Variants in CDKL5 observed in about 807,000 individuals in gnomAD.
CDKL5 encodes the protein cyclin-dependent kinase-like 5.
A neutral mutation model predicts 61.7 loss-of-function variants in CDKL5; 8 were observed. The observed-to-expected ratio is 0.13, with a 90% CI of 0.08 to 0.23. The LOEUF is 0.23. CDKL5 is among the 10% of genes least tolerant of loss of function. The probability of loss-of-function intolerance (pLI) is 1.00; values close to 1 mark genes in which losing one functional copy is unlikely to be tolerated. For synonymous variants in CDKL5, 275 were observed against 272.3 expected (o/e 1.01, Z -0.10); for missense variants, 440 against 734.5 (o/e 0.60, Z 4.63).
In CDKL5 at chrX:18,653,434, T is replaced by A. The variant is rs1928132748; in HGVS notation, c.2983T>A (p.Phe995Ile). 1 of 1,208,995 alleles carries A rather than the reference T, an allele frequency of 8.3e-7. No homozygotes were observed. Among genetic ancestry groups the A allele is most frequent in the Admixed American group, 2.2e-5 (1 of 45,686 alleles). The change falls in exon 22 of 22, where the codon TTC (phenylalanine) becomes ATC (isoleucine). Residue 995 changes from phenylalanine (F) to isoleucine (I), a missense_variant and splice_region_variant. Coordinates refer to the CDKL5 transcript ENST00000379989. ...CGCTGTCCTTCTGTGCTTTCCAGGG[T>A]TCTCTTTCTTCGTGAGACACGTTAT...
intron 1 of CDKL5, among the ~76,000 whole-genome samples, chrX:18,437,409 AT>A (rs934338300): frequency 8.9e-6 from 1 of 112,265 alleles, no homozygotes; most frequent in African/African-American, 3.2e-5. Flanking sequence ...TAAACTTAAA[AT>A]TCTTTGCTGT....
intron 1 of CDKL5, among the ~76,000 whole-genome samples, chrX:18,468,626 C>T (rs1920985851): frequency 8.9e-6 from 1 of 112,378 alleles, no homozygotes; most frequent in Non-Finnish European, 1.9e-5. Context: ...TAATTTTAAA[C>T]ACACCTTATG....
chrX:18,553,461 T>TGCGC (rs1205377098), intron 3 of CDKL5, among the ~76,000 whole-genome samples: 3 of 100,421 alleles, frequency 3.0e-5, no homozygotes, highest in African/African-American at 1.2e-4. Context: ...GTTGTGTGTG[T>TGCGC]GTGCGTGTGT....
chrX:18,616,649 C>T (rs1362608052), intron 15 of CDKL5, among the ~76,000 whole-genome samples: 2 of 110,604 alleles, frequency 1.8e-5, no homozygotes, highest in African/African-American at 3.3e-5. Flanking sequence ...GAAAGAAATC[C>T]CACTAGTTAA....
At chrX:18,607,263 A>G (rs1926396636) in intron 12 of CDKL5, among the ~76,000 whole-genome samples, 1 of 111,473 alleles carries the variant, frequency 9.0e-6, no homozygotes. Flanking sequence ...AGAGGTGCCC[A>G]TTTGCAGAGG....
At chrX:18,588,283 T>G (rs1025782197) in intron 9 of CDKL5, 140 bp downstream of exon 9, 2 of 452,454 alleles carry the variant, frequency 4.4e-6, no homozygotes, top group African/African-American at 5.0e-5. Context: ...TATTATAATA[T>G]TTTATTTCCG....
chrX:18,483,681 A>G (rs1274317387), intron 1 of CDKL5, among the ~76,000 whole-genome samples: 1 of 110,070 alleles, frequency 9.1e-6, no homozygotes, highest in East Asian at 2.8e-4. Flanking sequence ...CGGCCTCTCA[A>G]AGTGTTGGGA....
In CDKL5 at chrX:18,509,245, A is replaced by ACACACACACACC. The variant is rs796171313; in HGVS notation, c.65-1574_65-1573insACACACACACCC. 1.3e-3 allele frequency among the ~76,000 whole-genome samples: 125 copies of ACACACACACACC among 95,338 alleles called. 1 individual carries two copies. The highest frequency in any genetic ancestry group is 0.012 in the Admixed American group (95 of 7,976). 82.8% of individuals were successfully genotyped at this position (95,338 alleles called of 115,157 possible). A position where few individuals can be genotyped will look rare whatever the true frequency, so the allele number is the denominator to read the frequency against. ...CACACACACACACACACACACACACACCCCTGTCAAGCAAACTCTGCATTC... is the reference window on the plus strand; with the variant it reads ...CACACACACACACACACACACACACACACACACACACCCCCCTGTCAAGCAAACTCTGCATTC... On this transcript the variant is annotated intron_variant, in intron 2 of 17. Coordinates refer to ENST00000623535, the MANE Select transcript of CDKL5 (RefSeq NM_001323289.2).
chrX:18,430,855 TA>T (rs749876446), intron 1 of CDKL5, among the ~76,000 whole-genome samples: 1 of 110,471 alleles, frequency 9.1e-6, no homozygotes, highest in Non-Finnish European at 1.9e-5. Context: ...TTTACATTTT[TA>T]ATTTTTTTTT....
chrX:18,567,486 C>T lies in CDKL5; in HGVS notation c.145+2964C>T, dbSNP rs769072212. ...ATTGTTAACTGAAATAGGATCTGCA[C>T]TTGGTCTGAGCCATGTTCAAGGTAA... On this transcript the variant is annotated intron_variant, in intron 4 of 17. Coordinates refer to ENST00000623535, the MANE Select transcript of CDKL5 (RefSeq NM_001323289.2). Among the ~76,000 whole-genome samples, 11 of 111,895 alleles carry T rather than the reference C, an allele frequency of 9.8e-5. No individual in the cohort carries two copies. In the East Asian group the frequency reaches 3.1e-3, roughly 32 times the overall value.
intron 1 of CDKL5, among the ~76,000 whole-genome samples, chrX:18,465,518 A>G (rs937285206): frequency 9.0e-6 from 1 of 110,547 alleles, no homozygotes; most frequent in African/African-American, 3.3e-5. Flanking sequence ...ATACAAAAAA[A>G]ATTAGCTGGA....
At chrX:18,538,174 T>A (rs751922454) in intron 3 of CDKL5, among the ~76,000 whole-genome samples, 6 of 112,012 alleles carry the variant, frequency 5.4e-5, no homozygotes, top group Admixed American at 9.5e-5. Flanking sequence ...GTAGTTTAAA[T>A]TTGTATTTCT....
chrX:18,519,286 TAG>T (rs1336692782), intron 3 of CDKL5, among the ~76,000 whole-genome samples: 1 of 112,235 alleles, frequency 8.9e-6, no homozygotes, highest in African/African-American at 3.2e-5. Flanking sequence ...GTAGTTGTGA[TAG>T]AGACTGACCC....
intron 15 of CDKL5, among the ~76,000 whole-genome samples, chrX:18,614,349 TA>T (rs1258090996): frequency 1.8e-5 from 2 of 112,871 alleles, no homozygotes; most frequent in African/African-American, 6.4e-5. Context: ...ATCCATTGCC[TA>T]TTTATAAAAT....
chrX:18,580,508 A>G (rs938834925), intron 6 of CDKL5, among the ~76,000 whole-genome samples: 1 of 111,683 alleles, frequency 9.0e-6, no homozygotes, highest in Non-Finnish European at 1.9e-5. Flanking sequence ...CGTTGTCTGC[A>G]GTTGCAGGCA....
intron 4 of CDKL5, among the ~76,000 whole-genome samples, chrX:18,569,542 A>C (rs1219734503): frequency 8.9e-6 from 1 of 112,259 alleles, no homozygotes; most frequent in African/African-American, 3.2e-5. Context: ...TTTGATGTTC[A>C]GATGATAATG....
intron 5 of CDKL5, among the ~76,000 whole-genome samples, chrX:18,577,487 T>G (rs1409480461): frequency 8.9e-6 from 1 of 112,234 alleles, no homozygotes; most frequent in East Asian, 2.8e-4. Context: ...GACCCAGGAT[T>G]GCAGAGGCTT....
At chrX:18,534,504 C>T (rs774740860) in intron 3 of CDKL5, among the ~76,000 whole-genome samples, 7 of 111,655 alleles carry the variant, frequency 6.3e-5, no homozygotes, top group African/African-American at 9.7e-5. Context: ...TTGTTTCCCC[C>T]GGTTGATTGT....
intron 11 of CDKL5, among the ~76,000 whole-genome samples, chrX:18,600,194 C>T (rs1006754938): frequency 2.7e-5 from 3 of 111,839 alleles, no homozygotes; most frequent in Admixed American, 9.5e-5. Flanking sequence ...GACCATTTAT[C>T]GTATGTTTTC....
Sources: gnomAD v4.1 joint callset for allele counts (sites outside exome capture counted in the v4.1 genomes callset) on GRCh38, gnomAD v4.1.1 for gene constraint, MANE v1.5 for transcripts, NCBI Gene and HGNC (gene_info 2026-07-23, HGNC 2026-07-21) for gene names.